PDE10A: variants seen among roughly 807,000 people sequenced by gnomAD.
The protein encoded by PDE10A is cAMP and cAMP-inhibited cGMP 3',5'-cyclic phosphodiesterase 10A.
Under a neutral mutation model 97.7 loss-of-function variants are expected in PDE10A, and 39 were observed. The ratio of observed to expected loss-of-function variants is 0.40; its 90% confidence interval spans 0.31 to 0.52. The LOEUF is 0.52. Ranked by LOEUF, PDE10A falls within the 20% of genes least tolerant of loss-of-function variation. The pLI is 0.56. For missense variants in PDE10A, 731 were observed against 1,047.8 expected (o/e 0.70, Z 4.17); for synonymous variants, 371 against 376.8 (o/e 0.98, Z 0.18).
At chr6:165,501,950 G>T (rs763009390) in intron 2 of PDE10A, among the ~76,000 whole-genome samples, 3 of 152,210 alleles carry the variant, frequency 2.0e-5, no homozygotes, top group Non-Finnish European at 4.4e-5. Flanking sequence ...TGAGAGACAT[G>T]TAAATCAACG....
chr6:165,856,071 C>A (rs1780724615), intron 1 of PDE10A, among the ~76,000 whole-genome samples: 1 of 152,130 alleles, frequency 6.6e-6, no homozygotes, highest in African/African-American at 2.4e-5. Flanking sequence ...TAGGCTGGGG[C>A]ATCGAGGAGT....
intron 7 of PDE10A, among the ~76,000 whole-genome samples, chr6:165,432,413 A>G (rs1436195162): frequency 6.6e-6 from 1 of 152,214 alleles, no homozygotes; most frequent in East Asian, 1.9e-4. Context: ...CTGAGGATCC[A>G]GCGTGGCTGG....
At chr6:165,412,868 T>C (rs1787987413) in intron 13 of PDE10A, among the ~76,000 whole-genome samples, 1 of 152,132 alleles carries the variant, frequency 6.6e-6, no homozygotes, top group Non-Finnish European at 1.5e-5. Flanking sequence ...TATTAAAGGA[T>C]TACTAGAGTT....
chr6:165,720,900 G>T (rs936987965), intron 1 of PDE10A, among the ~76,000 whole-genome samples: 2 of 152,054 alleles, frequency 1.3e-5, no homozygotes, highest in African/African-American at 4.8e-5. Flanking sequence ...AGGTCCTGAG[G>T]GTCTAAGGAG....
chr6:165,524,850 G>C (rs1239613240), intron 2 of PDE10A, among the ~76,000 whole-genome samples: 1 of 152,166 alleles, frequency 6.6e-6, no homozygotes, highest in Non-Finnish European at 1.5e-5. Flanking sequence ...GGACATAGAG[G>C]AGGACCCTGA....
intron 1 of PDE10A, among the ~76,000 whole-genome samples, chr6:165,783,319 T>C (rs890301054): frequency 7.2e-5 from 11 of 152,238 alleles, no homozygotes; most frequent in African/African-American, 2.7e-4. Flanking sequence ...ATGTGTCTTA[T>C]CAGTTCTACT....
chr6:165,464,376 AC>A (rs964161283), intron 3 of PDE10A, among the ~76,000 whole-genome samples: 3 of 152,152 alleles, frequency 2.0e-5, no homozygotes, highest in Admixed American at 2.0e-4. Flanking sequence ...ATTTGTAATT[AC>A]CTCACCCAAC....
intron 2 of PDE10A, among the ~76,000 whole-genome samples, chr6:165,497,010 A>G (rs1377668651): frequency 6.6e-6 from 1 of 152,194 alleles, no homozygotes; most frequent in African/African-American, 2.4e-5. Flanking sequence ...CAGAGTTACC[A>G]ATGACAACAC....
chr6:165,371,491 A>C (rs1784245222), intron 18 of PDE10A, among the ~76,000 whole-genome samples: 2 of 151,610 alleles, frequency 1.3e-5, no homozygotes, highest in African/African-American at 4.8e-5. Flanking sequence ...AAATGGATAA[A>C]TTCCTCGACA....
chr6:165,520,784 C>T (rs1486799673), intron 2 of PDE10A, among the ~76,000 whole-genome samples: 1 of 152,044 alleles, frequency 6.6e-6, no homozygotes, highest in Non-Finnish European at 1.5e-5. Context: ...ATGACACACC[C>T]TTTGTACTCT....
chr6:165,544,023 C>T (rs1348138172), intron 1 of PDE10A, among the ~76,000 whole-genome samples: 1 of 152,092 alleles, frequency 6.6e-6, no homozygotes, highest in African/African-American at 2.4e-5. Context: ...CAATGCTGTA[C>T]ATTAAGGCTT....
intron 1 of PDE10A, among the ~76,000 whole-genome samples, chr6:165,561,756 A>G (rs2128338044): frequency 6.6e-6 from 1 of 152,316 alleles, no homozygotes; most frequent in Non-Finnish European, 1.5e-5. Flanking sequence ...CATTGGTGCC[A>G]GAAGTTCATG....
intron 10 of PDE10A, among the ~76,000 whole-genome samples, chr6:165,423,589 C>T (rs914188698): frequency 3.3e-5 from 5 of 152,110 alleles, no homozygotes; most frequent in South Asian, 2.1e-4. Flanking sequence ...CAGATTAGGC[C>T]GGGCGCGGTG....
chr6:165,331,172 T>C lies in PDE10A; in HGVS notation c.*1853A>G, dbSNP rs1443531775. 1 of 152,178 alleles carries C rather than the reference T, an allele frequency of 6.6e-6. No individual in the cohort carries two copies. Among genetic ancestry groups the C allele is most frequent in the Non-Finnish European group, 1.5e-5 (1 of 68,016 alleles). 9.4% of individuals were successfully genotyped at this position (152,178 alleles called of 1,614,324 possible). On this transcript the variant is annotated 3_prime_UTR_variant, in exon 22 of 22. Coordinates refer to ENST00000539869, the MANE Select transcript of PDE10A (RefSeq NM_001385079.1). The stretch of plus-strand genomic sequence containing the variant: ...ATACGTTTACATACATGAGTGTGTA[T>C]CCTATATACATCTATGTGTGTGTTC...
chr6:165,732,563 C>T (rs1216701456), intron 1 of PDE10A, among the ~76,000 whole-genome samples: 1 of 152,232 alleles, frequency 6.6e-6, no homozygotes, highest in South Asian at 2.1e-4. Flanking sequence ...CAGCTCATCA[C>T]ATCCACCCTA....
chr6:165,547,580 A>G (rs1583515329), intron 1 of PDE10A, among the ~76,000 whole-genome samples: 1 of 152,180 alleles, frequency 6.6e-6, no homozygotes, highest in Admixed American at 6.5e-5. Context: ...AATTGCTTCT[A>G]TGGTTAATGA....
At chr6:165,540,982 T>G (rs1216709709) in intron 2 of PDE10A, among the ~76,000 whole-genome samples, 1 of 152,116 alleles carries the variant, frequency 6.6e-6, no homozygotes. Context: ...GAGGAAAGAA[T>G]GAAGGGAGGA....
intron 1 of PDE10A, among the ~76,000 whole-genome samples, chr6:165,920,997 G>A (rs1049836165): frequency 6.6e-6 from 1 of 152,186 alleles, no homozygotes; most frequent in Non-Finnish European, 1.5e-5. Flanking sequence ...ATTTTGTCAT[G>A]GCTCCAAAGG....
intron 1 of PDE10A, among the ~76,000 whole-genome samples, chr6:165,886,928 G>A (rs977370216): frequency 1.3e-5 from 2 of 152,142 alleles, no homozygotes; most frequent in African/African-American, 2.4e-5. Context: ...TCTGTCACTC[G>A]AATACTTTGG....
Sources: allele counts gnomAD v4.1 joint callset (sites outside exome capture counted in the v4.1 genomes callset), GRCh38; gene constraint gnomAD v4.1.1; transcripts MANE v1.5; gene names NCBI Gene and HGNC (gene_info 2026-07-23, HGNC 2026-07-21).